Variants in ITPR1 observed in about 807,000 individuals in gnomAD.
The protein encoded by ITPR1 is inositol 1,4,5-trisphosphate-gated calcium channel ITPR1.
A neutral mutation model predicts 318.4 loss-of-function variants in ITPR1; 96 were observed. That is an observed-to-expected ratio of 0.30 (90% CI 0.26 to 0.36). The LOEUF (loss-of-function observed/expected upper bound fraction) is 0.36, where lower values mean the gene tolerates loss of function less well. Among genes scored for constraint, ITPR1 ranks in the 10% least tolerant of loss-of-function variants. The probability of loss-of-function intolerance (pLI) is 1.00; values close to 1 mark genes in which losing one functional copy is unlikely to be tolerated. For missense variants in ITPR1, 2,440 were observed against 3,460.2 expected, an observed-to-expected ratio of 0.71 and a Z score of 7.40; for synonymous variants, 1,312 against 1,289.9, an observed-to-expected ratio of 1.02 and a Z score of -0.37.
intron 2 of ITPR1, among the ~76,000 whole-genome samples, chr3:4,496,663 G>C (rs1383148886): frequency 6.6e-6 from 1 of 152,154 alleles, no homozygotes; most frequent in Non-Finnish European, 1.5e-5. Flanking sequence ...GGAAGATCAG[G>C]GTGTTGGTAT....
At chr3:4,769,241 G>T (rs1458627194) in intron 46 of ITPR1, among the ~76,000 whole-genome samples, 1 of 152,070 alleles carries the variant, frequency 6.6e-6, no homozygotes, top group Non-Finnish European at 1.5e-5. Flanking sequence ...AAAAGCCTGG[G>T]CAAGTAATGC....
At chr3:4,727,813 C>A (rs905539066) in intron 42 of ITPR1, among the ~76,000 whole-genome samples, 3 of 152,194 alleles carry the variant, frequency 2.0e-5, no homozygotes, top group Admixed American at 2.0e-4. Context: ...TGGGCTCAAG[C>A]AATCCTCTTG....
chr3:4,842,005 T>C (rs182934700), intron 61 of ITPR1, among the ~76,000 whole-genome samples: 1 of 152,360 alleles, frequency 6.6e-6, no homozygotes, highest in East Asian at 1.9e-4. Context: ...AAGACCTTCC[T>C]GTAACATGAA....
chr3:4,550,146 A>G (rs770377479), intron 4 of ITPR1, among the ~76,000 whole-genome samples: 2 of 151,500 alleles, frequency 1.3e-5, no homozygotes, highest in Non-Finnish European at 2.9e-5. Context: ...GGCGCATGCC[A>G]GAAAGCTATT....
chr3:4,754,833 A>G (rs2125352948), intron 44 of ITPR1, among the ~76,000 whole-genome samples: 1 of 152,288 alleles, frequency 6.6e-6, no homozygotes, highest in Middle Eastern at 3.4e-3. Flanking sequence ...TCTATTTTAC[A>G]TCTGTTTTCA....
chr3:4,511,659 G>T (rs2081836180), intron 2 of ITPR1, among the ~76,000 whole-genome samples: 1 of 152,202 alleles, frequency 6.6e-6, no homozygotes, highest in African/African-American at 2.4e-5. Context: ...CCATTTTACA[G>T]CTGGGAAAAG....
intron 23 of ITPR1, among the ~76,000 whole-genome samples, chr3:4,676,379 A>G (rs868810822): frequency 8.9e-4 from 136 of 152,180 alleles, no homozygotes; most frequent in African/African-American, 3.2e-3. Flanking sequence ...TTTGATGGGC[A>G]AGTTAGTGCA....
intron 4 of ITPR1, among the ~76,000 whole-genome samples, chr3:4,571,074 C>T (rs909366210): frequency 3.3e-5 from 5 of 152,142 alleles, no homozygotes; most frequent in African/African-American, 9.7e-5. Context: ...GAGCTAGCCC[C>T]GTGCACAAGT....
rs528178032 is a variant in ITPR1 at position 4,602,353 on chromosome 3, C to T, written c.164-25410C>T. ...TAGGCAACATGGCAAAACCCTGTCT[C>T]TGCTAACAACAACAACAACAAAAAA... On this transcript the variant is annotated intron_variant, in intron 4 of 61. Transcript: ENST00000649015. 4.6e-5 allele frequency among the ~76,000 whole-genome samples: 7 copies of T among 152,084 alleles called. No homozygotes were observed. The South Asian group carries it at 1.5e-3, about 32-fold the overall frequency.
intron 60 of ITPR1, among the ~76,000 whole-genome samples, chr3:4,823,960 C>G (rs1432384991): frequency 6.6e-6 from 1 of 152,144 alleles, no homozygotes; most frequent in Non-Finnish European, 1.5e-5. Context: ...GTTAACATAA[C>G]TCTTATATTT....
intron 44 of ITPR1, among the ~76,000 whole-genome samples, chr3:4,760,065 C>T (rs1274645216): frequency 6.6e-6 from 1 of 152,254 alleles, no homozygotes; most frequent in Non-Finnish European, 1.5e-5. Context: ...TTGACTCCGG[C>T]CTCACTGCTG....
At chr3:4,817,144 ATATAT>A (rs1165117506) in intron 59 of ITPR1, among the ~76,000 whole-genome samples, 2 of 152,180 alleles carry the variant, frequency 1.3e-5, no homozygotes, top group African/African-American at 4.8e-5. Context: ...TGGCATCATA[ATATAT>A]TCCAGGCTTA....
At chr3:4,738,445 G>A (rs78899801) in intron 44 of ITPR1, among the ~76,000 whole-genome samples, 267 of 152,316 alleles carry the variant, frequency 1.8e-3, no homozygotes, top group African/African-American at 6.3e-3. Context: ...CTTGGTAAAT[G>A]TTGGCTGAAA....
chr3:4,753,145 G>C (rs2044673284), intron 44 of ITPR1, among the ~76,000 whole-genome samples: 1 of 152,206 alleles, frequency 6.6e-6, no homozygotes, highest in South Asian at 2.1e-4. Flanking sequence ...GGATGTTGGA[G>C]GAGCTGAGTG....
rs10713337 is a variant in ITPR1, at chr3:4,590,174, CTTTTTT to C, written c.164-37573_164-37568del. On this transcript the variant is annotated intron_variant, in intron 4 of 61. Coordinates refer to ENST00000649015, the MANE Select transcript of ITPR1 (RefSeq NM_001378452.1). ...CCCTTTGTGTCTCCTCTTCGTCTTG[CTTTTTT>C]TTTTTTTTTTTTTTTGTCTTCATAG... Among the ~76,000 whole-genome samples the C allele has an allele frequency of 3.5e-4, 31 of 87,462 alleles. No homozygotes were observed. The South Asian group carries it at 7.1e-3, about 20-fold the overall frequency. 57.4% of individuals were successfully genotyped at this position (87,462 alleles called of 152,430 possible). A position where few individuals can be genotyped will look rare whatever the true frequency, so the allele number is the denominator to read the frequency against.
chr3:4,672,272 A>G (rs574996723), intron 20 of ITPR1, among the ~76,000 whole-genome samples: 1 of 152,370 alleles, frequency 6.6e-6, no homozygotes, highest in South Asian at 2.1e-4. Context: ...GTAGACGACA[A>G]GCTTTGTTTC....
In ITPR1 at chr3:4,691,320, A is replaced by G. The variant is rs552738685; in HGVS notation, c.4005A>G (p.Lys1335=). The G allele has an allele frequency of 6.2e-7, 1 of 1,612,050 alleles. No homozygotes were observed. The highest frequency in any genetic ancestry group is 2.2e-5 in the East Asian group (1 of 44,866). Residue 1335 remains lysine (K), a synonymous_variant, in exon 32 of 62, where the codon AAA becomes AAG. Coordinates refer to ENST00000649015, the MANE Select transcript of ITPR1 (RefSeq NM_001378452.1). ...IVKAEGKFIK[K]CQDMVMAELV... The stretch of plus-strand genomic sequence containing the variant: ...AGGCAGAAGGGAAATTTATTAAAAA[A>G]TGCCAAGACATGGTTATGGCCGAGG...
At chr3:4,601,711 C>A (rs569013483) in intron 4 of ITPR1, among the ~76,000 whole-genome samples, 2 of 152,058 alleles carry the variant, frequency 1.3e-5, no homozygotes, top group African/African-American at 4.8e-5. Flanking sequence ...AATTGCACTT[C>A]GTCAAAATTA....
At position 4,785,183 on chromosome 3, in the gene ITPR1, G is replaced by C. The variant is rs979948067; in HGVS notation, c.6615+1263G>C. Among the ~76,000 whole-genome samples the C allele has an allele frequency of 7.9e-5, 12 of 152,246 alleles. No individual in the cohort carries two copies. The East Asian group carries it at 2.3e-3, about 29-fold the overall frequency. Reference sequence around the variant, plus strand: ...ATCTCCATTTTGCAAATGGGGAGCTGTGAAATAAGGCTCAGAGAGACTGTG... The same window carrying C: ...ATCTCCATTTTGCAAATGGGGAGCTCTGAAATAAGGCTCAGAGAGACTGTG... On this transcript the variant is annotated intron_variant, in intron 51 of 61. Coordinates refer to ENST00000649015, the MANE Select transcript of ITPR1 (RefSeq NM_001378452.1).
Sources: allele counts gnomAD v4.1 joint callset (sites outside exome capture counted in the v4.1 genomes callset), GRCh38; gene constraint gnomAD v4.1.1; transcripts MANE v1.5; gene names NCBI Gene and HGNC (gene_info 2026-07-23, HGNC 2026-07-21).